Variants in ZFHX3 observed in about 807,000 individuals in gnomAD.
ZFHX3 encodes zinc finger homeobox 3.
ZFHX3 carries 42 observed loss-of-function variants against 279.1 expected under a neutral mutation model. That is an observed-to-expected ratio of 0.15 (90% confidence interval 0.12 to 0.19). The LOEUF (loss-of-function observed/expected upper bound fraction) is 0.19. Among genes scored for constraint, ZFHX3 ranks in the 10% least tolerant of loss-of-function variants. The probability of loss-of-function intolerance (pLI) is 1.00; values close to 1 mark genes in which losing one functional copy is unlikely to be tolerated. For missense variants in ZFHX3, 4,981 were observed against 4,754.0 expected, an observed-to-expected ratio of 1.05 and a Z score of -1.40; for synonymous variants, 2,293 against 1,957.8, an observed-to-expected ratio of 1.17 and a Z score of -4.52.
chr16:73,348,888 C>T (rs2016170449), intron 3 of ZFHX3, among the ~76,000 whole-genome samples: 1 of 152,194 alleles, frequency 6.6e-6, no homozygotes, highest in Admixed American at 6.5e-5. Context: ...GAATCAGATA[C>T]CGTCTTGTGG....
At chr16:72,803,997 C>T (rs530197211) in intron 7 of ZFHX3, among the ~76,000 whole-genome samples, 1 of 152,344 alleles carries the variant, frequency 6.6e-6, no homozygotes, top group South Asian at 2.1e-4. Context: ...TGGGAAGAAA[C>T]CATCAGCTGA....
rs2039470176 is a variant in ZFHX3, at chr16:72,917,463, T to C, written c.3217-27501A>G. ...TTTATATTATCCATCTATGAACGTT[T>C]AATTTATAACAGTGAAAAACTGGAA... On this transcript the variant is annotated intron_variant, in intron 3 of 9. Transcript: ENST00000268489. Among the ~76,000 whole-genome samples, 8 of 152,366 alleles carry C rather than the reference T, an allele frequency of 5.3e-5. No individual in the cohort carries two copies. The South Asian group carries it at 1.7e-3, about 32-fold the overall frequency.
chr16:73,041,320 AG>A (rs1965102757), intron 1 of ZFHX3, among the ~76,000 whole-genome samples: 1 of 151,992 alleles, frequency 6.6e-6, no homozygotes, highest in Admixed American at 6.6e-5. Context: ...AAGGTGTAAA[AG>A]TTCTCTGCTT....
At chr16:72,887,028 C>T (rs2038643230) in intron 4 of ZFHX3, among the ~76,000 whole-genome samples, 5 of 152,278 alleles carry the variant, frequency 3.3e-5, no homozygotes, top group Admixed American at 3.3e-4. Flanking sequence ...CGGTACCCAA[C>T]AGCCCTTTCC....
In ZFHX3 at chr16:72,959,845, T is replaced by C. The variant is rs751847002; in HGVS notation, c.301A>G (p.Ser101Gly). Residue 101 changes from serine to glycine, a missense_variant, in exon 2 of 10, where the codon AGC becomes GGC. Coordinates refer to ENST00000268489, the MANE Select transcript of ZFHX3 (RefSeq NM_006885.4). The part of the protein sequence containing the change: ...LQTYMEHHCP[S>G]ARPPPPLREE... ...CTCAGGGGTGGCGGGGGGCGCGCGC[T>C]GGGGCAGTGGTGCTCCATGTAGGTC... 4 of 1,596,268 alleles carry C rather than the reference T, an allele frequency of 2.5e-6. No individual in the cohort carries two copies. Among genetic ancestry groups the C allele is most frequent in the South Asian group, 2.3e-5 (2 of 88,784 alleles).
intron 2 of ZFHX3, among the ~76,000 whole-genome samples, chr16:73,498,364 T>C (rs2019177290): frequency 6.6e-6 from 1 of 152,234 alleles, no homozygotes; most frequent in African/African-American, 2.4e-5. Flanking sequence ...TTGATGTCAG[T>C]TGGTTCCGTG....
chr16:72,955,788 A>C (rs1052748337), intron 2 of ZFHX3, among the ~76,000 whole-genome samples: 1 of 151,636 alleles, frequency 6.6e-6, no homozygotes, highest in South Asian at 2.1e-4. Context: ...AAAAAAAAAA[A>C]AAAAAAACCC....
chr16:72,791,804 A>G (rs749710873), intron 9 of ZFHX3, among the ~76,000 whole-genome samples: 1 of 152,168 alleles, frequency 6.6e-6, no homozygotes, highest in Non-Finnish European at 1.5e-5. Flanking sequence ...CTATGTCTTA[A>G]TGCTTTCTTT....
chr16:73,735,441 C>T (rs974931809), intron 1 of ZFHX3, among the ~76,000 whole-genome samples: 3 of 150,818 alleles, frequency 2.0e-5, no homozygotes, highest in African/African-American at 7.3e-5. Context: ...CCTTGGTAAC[C>T]GCCATCATAC....
intron 4 of ZFHX3, among the ~76,000 whole-genome samples, chr16:72,878,478 C>A (rs1227032960): frequency 1.3e-5 from 2 of 152,218 alleles, no homozygotes; most frequent in African/African-American, 4.8e-5. Flanking sequence ...ACAAGGAAGT[C>A]ACAAAGGGCT....
intron 2 of ZFHX3, among the ~76,000 whole-genome samples, chr16:73,678,140 C>A (rs1376343695): frequency 6.6e-6 from 1 of 152,024 alleles, no homozygotes; most frequent in African/African-American, 2.4e-5. Flanking sequence ...AGTAGTGATA[C>A]AGGAAATTAT....
chr16:73,076,444 T>A (rs2144761112), intron 8 of ZFHX3, among the ~76,000 whole-genome samples: 1 of 152,268 alleles, frequency 6.6e-6, no homozygotes, highest in Middle Eastern at 3.4e-3. Context: ...GTTGCTGAAA[T>A]ACGAGGAATG....
chr16:73,347,821 A>G (rs960858644), intron 3 of ZFHX3, among the ~76,000 whole-genome samples: 4 of 152,258 alleles, frequency 2.6e-5, no homozygotes, highest in South Asian at 2.1e-4. Context: ...GGATTAAATT[A>G]TACTTTGTAG....
chr16:72,787,890 C>T lies in ZFHX3; in HGVS notation c.10386G>A (p.Gln3462=). 3.1e-6 allele frequency: 5 copies of T among 1,614,082 alleles called. No homozygotes were observed. Among genetic ancestry groups the T allele is most frequent in the East Asian group, 4.5e-5 (2 of 44,868 alleles). The change falls in exon 10 of 10, where the codon CAG becomes CAA. Residue 3462 remains glutamine (Q), a synonymous_variant. Coordinates refer to ENST00000268489, the MANE Select transcript of ZFHX3 (RefSeq NM_006885.4). ...GGCACTTGCGGCAGACCAACTTGTA[C>T]TGCACCTTTGGAACAATGAAGGGGT... ...LYDPFIVPKV[Q]YKLVCRKCQA...
chr16:73,205,898 C>T (rs902371458), intron 5 of ZFHX3, among the ~76,000 whole-genome samples: 12 of 152,170 alleles, frequency 7.9e-5, no homozygotes, highest in Admixed American at 4.6e-4. Flanking sequence ...TATACCATCA[C>T]TCTAACATGA....
intron 3 of ZFHX3, among the ~76,000 whole-genome samples, chr16:73,447,877 G>A (rs1230259581): frequency 1.3e-5 from 2 of 152,146 alleles, no homozygotes; most frequent in Admixed American, 6.5e-5. Context: ...AAGCTTTGCT[G>A]AAAACAACTT....
chr16:72,985,395 G>A (rs1962801467), intron 1 of ZFHX3, among the ~76,000 whole-genome samples: 1 of 152,208 alleles, frequency 6.6e-6, no homozygotes, highest in Non-Finnish European at 1.5e-5. Context: ...AAAGTCAAAT[G>A]TGGATCACAA....
intron 8 of ZFHX3, among the ~76,000 whole-genome samples, chr16:73,090,911 G>GAAAAAAAAAAAAAAAAAA (rs57632636): frequency 2.8e-5 from 3 of 108,320 alleles, no homozygotes; most frequent in African/African-American, 1.6e-4. Context: ...ATCCCATATT[G>GAAAAAAAAAAAAAAAAAA]AAAAAAAAAA....
At chr16:73,156,006 G>C (rs1287158561) in intron 5 of ZFHX3, among the ~76,000 whole-genome samples, 2 of 152,050 alleles carry the variant, frequency 1.3e-5, no homozygotes, top group African/African-American at 2.4e-5. Context: ...GCCGAGATGG[G>C]CGGATCACAA....
Sources: allele counts gnomAD v4.1 joint callset (sites outside exome capture counted in the v4.1 genomes callset), GRCh38; gene constraint gnomAD v4.1.1; transcripts MANE v1.5; gene names NCBI Gene and HGNC (gene_info 2026-07-23, HGNC 2026-07-21).